NPAS1: variants seen among roughly 807,000 people sequenced by gnomAD.
NPAS1 encodes the protein neuronal PAS domain protein 1.
A neutral mutation model predicts 49.2 loss-of-function variants in NPAS1; 29 were observed. That is an observed-to-expected ratio of 0.59 (90% CI 0.44 to 0.80). The LOEUF (loss-of-function observed/expected upper bound fraction) is 0.80, where lower values mean the gene tolerates loss of function less well. Among genes scored for constraint, NPAS1 ranks in the 30% least tolerant of loss-of-function variants. NPAS1 has a pLI of 0.00. For missense variants in NPAS1, 825 were observed against 835.5 expected, an observed-to-expected ratio of 0.99 and a Z score of 0.15; for synonymous variants, 408 against 380.4, an observed-to-expected ratio of 1.07 and a Z score of -0.84.
In NPAS1 at chr19:47,021,739, A is replaced by G; in HGVS notation, c.250A>G (p.Lys84Glu). ...LPGAISSQLD[K>E]ASIVRLSVTY... ...CGGCGCCATCTCCAGCCAGCTGGACAAGGCTTCCATCGTGCGCCTCAGCGT... is the reference window on the plus strand; with the variant it reads ...CGGCGCCATCTCCAGCCAGCTGGACGAGGCTTCCATCGTGCGCCTCAGCGT... Residue 84 changes from lysine (K) to glutamate (E), a missense_variant, in exon 3 of 12, where the codon AAG becomes GAG. Coordinates refer to ENST00000602212, the MANE Select transcript of NPAS1 (RefSeq NM_002517.4). The surrounding 1 kb of genome is among the most constrained non-coding windows in gnomAD (Gnocchi z 5.7). 1 of 1,547,462 alleles carries G rather than the reference A, an allele frequency of 6.5e-7. No individual in the cohort carries two copies. The highest frequency in any genetic ancestry group is 8.7e-7 in the Non-Finnish European group (1 of 1,146,686).
intron 3 of NPAS1, among the ~76,000 whole-genome samples, chr19:47,023,065 GA>G (rs2056851284): frequency 6.6e-6 from 1 of 152,252 alleles, no homozygotes; most frequent in Admixed American, 6.5e-5. Flanking sequence ...CCCAGGGGAA[GA>G]GGGGGGAGAG....
intron 11 of NPAS1, 139 bp from the exon 12 acceptor site, chr19:47,045,048 AAAAC>A (rs1779661067): frequency 3.5e-6 from 3 of 857,048 alleles, no homozygotes; most frequent in East Asian, 2.7e-5. Flanking sequence ...ACAAAAAACA[AAAAC>A]AAAACAAACA....
At position 47,045,481 on chromosome 19, in the gene NPAS1, G is replaced by A. The variant is rs1358209916; in HGVS notation, c.1603G>A (p.Gly535Ser). ...HAGFLPPVVR[G>S]LCTPGTIRYG... ...GGGCTTCCTGCCGCCGGTGGTGCGG[G>A]GCCTGTGCACACCCGGCACCATCCG... The change falls in exon 12 of 12, where the codon GGC becomes AGC. Residue 535 changes from glycine (G) to serine (S), a missense_variant. Transcript: ENST00000602212. The A allele has an allele frequency of 2.5e-6, 4 of 1,570,764 alleles. No individual in the cohort carries two copies. Among genetic ancestry groups the A allele is most frequent in the East Asian group, 2.4e-5 (1 of 42,204 alleles).
In NPAS1 at chr19:47,032,363, C is replaced by A. The variant is rs529908426; in HGVS notation, c.432+12C>A. On this transcript the variant is annotated intron_variant, in intron 4 of 11. Transcript: ENST00000602212. ...GTCACATCTTGCAGGTGAGTGAGGC[C>A]CCTTCCCTGCCTGCCGCTCCTTGCT... 1.9e-6 allele frequency: 3 copies of A among 1,613,390 alleles called. No homozygotes were observed. The highest frequency in any genetic ancestry group is 2.5e-6 in the Non-Finnish European group (3 of 1,179,546).
At chr19:47,033,975 T>TAAAAAA (rs532811476) in intron 5 of NPAS1, among the ~76,000 whole-genome samples, 1 of 100,846 alleles carries the variant, frequency 9.9e-6, no homozygotes. Flanking sequence ...GGCTATGCCT[T>TAAAAAA]AAAAAAAAAA....
chr19:47,035,052 A>G (rs994075446), intron 5 of NPAS1, among the ~76,000 whole-genome samples: 1 of 152,028 alleles, frequency 6.6e-6, no homozygotes, highest in Non-Finnish European at 1.5e-5. Context: ...GTGTTGGCAC[A>G]TGCCTGTAAT....
chr19:47,032,453 C>A (rs2056913229), intron 4 of NPAS1, 102 bp downstream of exon 4: 1 of 1,328,382 alleles, frequency 7.5e-7, no homozygotes, highest in Non-Finnish European at 1.1e-6. Flanking sequence ...TGGGGGGTAC[C>A]TGGACTGGGA....
chr19:47,026,467 G>A (rs1037406862), intron 3 of NPAS1, among the ~76,000 whole-genome samples: 3 of 152,220 alleles, frequency 2.0e-5, no homozygotes, highest in African/African-American at 7.2e-5. Flanking sequence ...GCCCAGTGAG[G>A]ATGAGGACGT....
chr19:47,023,797 AC>A (rs1049001362), intron 3 of NPAS1, among the ~76,000 whole-genome samples: 5 of 151,870 alleles, frequency 3.3e-5, no homozygotes, highest in Non-Finnish European at 7.4e-5. Context: ...ATATAACAAA[AC>A]CATGTCCCTA....
intron 10 of NPAS1, among the ~76,000 whole-genome samples, chr19:47,041,770 C>T (rs12609885): frequency 0.87 from 131,681 of 151,894 alleles, 57,183 homozygotes; most frequent in East Asian, 0.97. Context: ...AGCCCAGGAG[C>T]TGAAGACCAG....
intron 9 of NPAS1, 73 bp from the exon 10 acceptor site, chr19:47,040,905 T>C: frequency 1.5e-6 from 2 of 1,303,660 alleles, no homozygotes; most frequent in Non-Finnish European, 2.0e-6. Flanking sequence ...TGTCTCCTCC[T>C]GTCTACCTGG....
chr19:47,023,437 G>A (rs2056853930), intron 3 of NPAS1, among the ~76,000 whole-genome samples: 1 of 152,130 alleles, frequency 6.6e-6, no homozygotes, highest in Admixed American at 6.6e-5. Context: ...TGGAAGTAGG[G>A]TCAGGACAGT....
At chr19:47,038,581 C>T (rs925269008) in intron 6 of NPAS1, among the ~76,000 whole-genome samples, 5 of 151,060 alleles carry the variant, frequency 3.3e-5, no homozygotes, top group Non-Finnish European at 7.4e-5. Flanking sequence ...AATCGTAGCA[C>T]CTTGGGAGGC....
chr19:47,031,608 G>A lies in NPAS1; in HGVS notation c.359-670G>A, dbSNP rs113010662. ...TGCAGTGGCATGATCTCGGCTCACT[G>A]CAACCTCTGCCTCCCGGTTTCAAGC... On this transcript the variant is annotated intron_variant, in intron 3 of 11. Transcript: ENST00000602212. Among the ~76,000 whole-genome samples the A allele has an allele frequency of 1.1e-3, 164 of 148,828 alleles. 1 individual carries two copies. The highest frequency in any genetic ancestry group is 2.0e-3 in the Non-Finnish European group (135 of 67,588).
chr19:47,034,333 A>C (rs972751178), intron 5 of NPAS1, among the ~76,000 whole-genome samples: 1 of 149,968 alleles, frequency 6.7e-6, no homozygotes, highest in Admixed American at 6.7e-5. Flanking sequence ...AAAAAAAAAA[A>C]GGGCAGGAAG....
At chr19:47,039,834 G>GTCTCTGGTCTTTCATTTCTCATT (rs957328686) in intron 8 of NPAS1, among the ~76,000 whole-genome samples, 2 of 140,986 alleles carry the variant, frequency 1.4e-5, no homozygotes, top group South Asian at 4.7e-4. Flanking sequence ...ATCTTGGCCC[G>GTCTCTGGTCTTTCATTTCTCATT]TCTCTGGTCT....
Position 47,036,126 on chromosome 19 carries a change from A to G in NPAS1, c.685A>G (p.Ile229Val). ...SSSSLADTPE[I>V]EASLTKVPPS... Reference sequence around the variant, plus strand: ...CTCTTCGCTTGCAGATACCCCCGAGATCGGTAATTCTAAGGGCTCCTAAAG... The same window carrying G: ...CTCTTCGCTTGCAGATACCCCCGAGGTCGGTAATTCTAAGGGCTCCTAAAG... The change falls in exon 6 of 12, where the codon ATC becomes GTC. Residue 229 changes from isoleucine (I) to valine (V), a missense_variant. Ile to Val is a conservative substitution (Grantham distance 29). Transcript: ENST00000602212. The G allele has an allele frequency of 6.4e-7, 1 of 1,557,934 alleles. No homozygotes were observed.
intron 3 of NPAS1, among the ~76,000 whole-genome samples, chr19:47,022,471 G>A (rs1412081783): frequency 1.3e-5 from 2 of 152,254 alleles, no homozygotes; most frequent in African/African-American, 4.8e-5. Context: ...TCCCCCAGGG[G>A]GCTGAGCAGA....
At chr19:47,043,011 T>G (rs1489755147) in intron 11 of NPAS1, 107 bp downstream of exon 11, 1 of 836,410 alleles carries the variant, frequency 1.2e-6, no homozygotes, top group Non-Finnish European at 1.7e-6. Context: ...TATATACAAT[T>G]AAAATTAAAA....
Sources: gnomAD v4.1 joint callset for allele counts (sites outside exome capture counted in the v4.1 genomes callset) on GRCh38, gnomAD v4.1.1 for gene constraint, Gnocchi (gnomAD v3.1) non-coding constraint, MANE v1.5 for transcripts, NCBI Gene and HGNC (gene_info 2026-07-23, HGNC 2026-07-21) for gene names.